Variants in CARMIL1 observed in about 807,000 individuals in gnomAD.
The protein encoded by CARMIL1 is F-actin-uncapping protein LRRC16A.
In CARMIL1, 90 loss-of-function variants were observed where a neutral mutation model predicts 177.1. The ratio of observed to expected loss-of-function variants is 0.51; its 90% CI spans 0.43 to 0.61. The LOEUF is 0.61. Among genes scored for constraint, CARMIL1 ranks in the 20% least tolerant of loss-of-function variants. The pLI, the probability that CARMIL1 is intolerant of heterozygous loss-of-function variation, is 0.00. For missense variants in CARMIL1, 1,380 were observed against 1,667.0 expected (o/e 0.83, Z 3.00); for synonymous variants, 577 against 606.2 (o/e 0.95, Z 0.71).
chr6:25,435,341 C>A, intron 4 of CARMIL1, 142 bp from the exon 5 acceptor site: 1 of 855,168 alleles, frequency 1.2e-6, no homozygotes, highest in Non-Finnish European at 1.6e-6. Flanking sequence ...AGATGTGCTA[C>A]CCTCGAACCT....
At chr6:25,456,719 C>T (rs1351825517) in intron 8 of CARMIL1, among the ~76,000 whole-genome samples, 3 of 152,128 alleles carry the variant, frequency 2.0e-5, no homozygotes, top group South Asian at 2.1e-4. Context: ...TTAACTACAT[C>T]GATTTCTCGT....
At chr6:25,398,942 G>T (rs761065655) in intron 2 of CARMIL1, among the ~76,000 whole-genome samples, 10 of 152,048 alleles carry the variant, frequency 6.6e-5, no homozygotes, top group Admixed American at 5.2e-4. Flanking sequence ...TTTGAGTCTT[G>T]GTTTCCTTGT....
chr6:25,321,205 A>G (rs1294437849), intron 2 of CARMIL1, among the ~76,000 whole-genome samples: 3 of 152,236 alleles, frequency 2.0e-5, no homozygotes, highest in Non-Finnish European at 2.9e-5. Flanking sequence ...GGCTAGTAAA[A>G]TGTGATCCTT....
chr6:25,475,797 C>G (rs1353187795), intron 11 of CARMIL1, among the ~76,000 whole-genome samples: 1 of 152,206 alleles, frequency 6.6e-6, no homozygotes, highest in Non-Finnish European at 1.5e-5. Context: ...TTCATGTTCT[C>G]TGAGGTGCAG....
chr6:25,325,953 C>A (rs542626975), intron 2 of CARMIL1, among the ~76,000 whole-genome samples: 1 of 152,102 alleles, frequency 6.6e-6, no homozygotes, highest in African/African-American at 2.4e-5. Context: ...CACTGCAATC[C>A]CCACCTCCTG....
intron 3 of CARMIL1, among the ~76,000 whole-genome samples, chr6:25,421,680 A>C (rs1795867949): frequency 1.0e-5 from 1 of 95,428 alleles, no homozygotes; most frequent in African/African-American, 3.5e-5. Context: ...TACACCATGG[A>C]ATACTACGCA....
intron 33 of CARMIL1, 74 bp from the exon 34 acceptor site, chr6:25,604,738 T>A (rs1392811544): frequency 1.7e-6 from 2 of 1,187,108 alleles, no homozygotes; most frequent in South Asian, 1.3e-5. Context: ...TGTCATTTAT[T>A]ATCTGCATTG....
rs566894553 is a variant in CARMIL1 at position 25,400,409 on chromosome 6, A to C, written c.139-19705A>C. Among the ~76,000 whole-genome samples the C allele has an allele frequency of 1.3e-3, 204 of 152,280 alleles. 1 individual carries two copies. Among genetic ancestry groups the C allele is most frequent in the African/African-American group, 4.7e-3 (197 of 41,562 alleles). On this transcript the variant is annotated intron_variant, in intron 2 of 36. Coordinates refer to ENST00000329474, the MANE Select transcript of CARMIL1 (RefSeq NM_017640.6). ...TTCCTGCATGATTTGGAAGAATTAG[A>C]ATCAGTCTTCCTTCCATGAGTTTCC... is the stretch of plus-strand genomic sequence containing the variant.
chr6:25,561,606 A>G (rs892818132), intron 29 of CARMIL1, among the ~76,000 whole-genome samples: 2 of 152,226 alleles, frequency 1.3e-5, no homozygotes, highest in Non-Finnish European at 2.9e-5. Context: ...GTTTTTAAAT[A>G]CAGACTAAAA....
At chr6:25,542,134 T>C (rs1237543146) in intron 26 of CARMIL1, among the ~76,000 whole-genome samples, 1 of 152,270 alleles carries the variant, frequency 6.6e-6, no homozygotes, top group East Asian at 1.9e-4. Flanking sequence ...TAAATGGGCA[T>C]GAAACATTTG....
At chr6:25,385,618 A>G (rs549909536) in intron 2 of CARMIL1, among the ~76,000 whole-genome samples, 58 of 152,368 alleles carry the variant, frequency 3.8e-4, no homozygotes, top group African/African-American at 1.4e-3. Flanking sequence ...ATAGATACCA[A>G]ATAAATCACA....
chr6:25,563,974 C>A, intron 29 of CARMIL1: 1 of 538,824 alleles, frequency 1.9e-6, no homozygotes, highest in Non-Finnish European at 2.4e-6. Context: ...AAAAAATGAT[C>A]TGACATAAAG....
intron 2 of CARMIL1, among the ~76,000 whole-genome samples, chr6:25,368,747 T>C (rs1790097008): frequency 6.6e-6 from 1 of 152,194 alleles, no homozygotes; most frequent in African/African-American, 2.4e-5. Context: ...GATGTGGAAT[T>C]AATGAGATTT....
intron 17 of CARMIL1, among the ~76,000 whole-genome samples, chr6:25,501,280 C>T (rs1804301577): frequency 6.6e-6 from 1 of 152,140 alleles, no homozygotes. Flanking sequence ...CCCCAGCACT[C>T]CTACCATGTC....
At chr6:25,563,820 C>T in intron 29 of CARMIL1, 1 of 985,326 alleles carries the variant, frequency 1.0e-6, no homozygotes, top group Non-Finnish European at 1.2e-6. Flanking sequence ...CTTGAATTTG[C>T]TTGGATGCTG....
intron 2 of CARMIL1, among the ~76,000 whole-genome samples, chr6:25,368,538 A>C (rs1315428845): frequency 3.3e-5 from 5 of 152,194 alleles, no homozygotes; most frequent in Admixed American, 2.0e-4. Flanking sequence ...AAAGACATAC[A>C]TTCAATTTAG....
At position 25,390,314 on chromosome 6, in the gene CARMIL1, ATATATATTTTTTTTT is replaced by A. The variant is rs954310096; in HGVS notation, c.139-29798_139-29784del. Among the ~76,000 whole-genome samples, 19 of 39,518 alleles carry A rather than the reference ATATATATTTTTTTTT, an allele frequency of 4.8e-4. No individual in the cohort carries two copies. In the South Asian group the frequency reaches 0.011, roughly 23 times the overall value. 25.9% of individuals were successfully genotyped at this position (39,518 alleles called of 152,430 possible). A position where few individuals can be genotyped will look rare whatever the true frequency, so the allele number is the denominator to read the frequency against. On this transcript the variant is annotated intron_variant, in intron 2 of 36. Coordinates refer to ENST00000329474, the MANE Select transcript of CARMIL1 (RefSeq NM_017640.6). ...TTTACATATATATATATATATATAT[ATATATATTTTTTTTT>A]TTTTTTTTTTGAGACAGGGTCTCAG...
At chr6:25,538,066 T>G (rs1470217836) in intron 25 of CARMIL1, 83 bp downstream of exon 25, 1 of 1,431,384 alleles carries the variant, frequency 7.0e-7, no homozygotes. Flanking sequence ...AGTTTCAACT[T>G]TCTCTCTCTA....
chr6:25,613,777 C>T lies in CARMIL1; in HGVS notation c.3979+3596C>T, dbSNP rs1270005199. Among the ~76,000 whole-genome samples, 3 of 152,160 alleles carry T rather than the reference C, an allele frequency of 2.0e-5. No homozygotes were observed. In the South Asian group the frequency reaches 6.2e-4, roughly 32 times the overall value. ...TGATATGTGAGATTTCTTTAAAGGA[C>T]TTCTGCTCTTGGAATGAGGCTCTTT... On this transcript the variant is annotated intron_variant, in intron 36 of 36. Coordinates refer to ENST00000329474, the MANE Select transcript of CARMIL1 (RefSeq NM_017640.6).
Sources: allele counts gnomAD v4.1 joint callset (sites outside exome capture counted in the v4.1 genomes callset), GRCh38; gene constraint gnomAD v4.1.1; transcripts MANE v1.5; gene names NCBI Gene and HGNC (gene_info 2026-07-23, HGNC 2026-07-21).